Variants in NRG3 observed in about 807,000 individuals in gnomAD.
NRG3 encodes pro-neuregulin-3, membrane-bound isoform.
Under a neutral mutation model 66.9 loss-of-function variants are expected in NRG3, and 31 were observed. The observed-to-expected ratio is 0.46, with a 90% CI of 0.35 to 0.63. The LOEUF (loss-of-function observed/expected upper bound fraction) is 0.63, where lower values mean the gene tolerates loss of function less well. Ranked by LOEUF, NRG3 falls within the 20% of genes least tolerant of loss-of-function variation. NRG3 has a pLI of 0.00. For missense variants in NRG3, 910 were observed against 878.9 expected (o/e 1.04, Z -0.45); for synonymous variants, 393 against 359.4 (o/e 1.09, Z -1.06).
intron 2 of NRG3, among the ~76,000 whole-genome samples, chr10:82,735,648 A>G (rs543388535): frequency 2.4e-4 from 37 of 152,296 alleles, no homozygotes; most frequent in African/African-American, 8.4e-4. Context: ...TCAGTAAGCT[A>G]TCACAGAAAC....
rs1853418428 is a variant in NRG3 at position 82,986,144 on chromosome 10, G to A, written c.*539G>A. ...ACAAAAGACTCTGCAATGGGAAGGA[G>A]GACAGGAGATAGAAGGAGAAACCGG... is the stretch of plus-strand genomic sequence containing the variant. On this transcript the variant is annotated 3_prime_UTR_variant, in exon 9 of 9. Transcript: ENST00000372141. 6.5e-6 allele frequency: 1 copy of A among 153,006 alleles called. No homozygotes were observed. Among genetic ancestry groups the A allele is most frequent in the South Asian group, 2.1e-4 (1 of 4,856 alleles). The allele number at this position is 153,006 out of a possible 1,614,324, so 9.5% of individuals were successfully genotyped here. A position where few individuals can be genotyped will look rare whatever the true frequency, so the allele number is the denominator to read the frequency against.
chr10:82,424,610 G>A (rs551965907), intron 2 of NRG3, among the ~76,000 whole-genome samples: 4 of 151,790 alleles, frequency 2.6e-5, no homozygotes, highest in Non-Finnish European at 5.9e-5. Context: ...TTATAAAATT[G>A]TATCCTTTAA....
intron 1 of NRG3, among the ~76,000 whole-genome samples, chr10:82,306,635 C>A (rs57538291): frequency 0.12 from 16,928 of 139,428 alleles, 2,457 homozygotes; most frequent in African/African-American, 0.35. Flanking sequence ...ACCCAAGAGG[C>A]AGAGCTTTCA....
chr10:82,725,331 A>G (rs983376090), intron 2 of NRG3, among the ~76,000 whole-genome samples: 3 of 152,196 alleles, frequency 2.0e-5, no homozygotes, highest in African/African-American at 4.8e-5. Flanking sequence ...ACATTTCTTC[A>G]TTTGATCATC....
intron 1 of NRG3, among the ~76,000 whole-genome samples, chr10:81,926,279 A>G (rs1351828205): frequency 2.6e-5 from 4 of 151,886 alleles, no homozygotes; most frequent in Non-Finnish European, 5.9e-5. Context: ...AACCATAGCC[A>G]GATACTTTTT....
intron 1 of NRG3, among the ~76,000 whole-genome samples, chr10:82,150,530 C>CAAAAAAA (rs1188955647): frequency 7.5e-5 from 2 of 26,686 alleles, no homozygotes; most frequent in Non-Finnish European, 1.5e-4. Context: ...AGAGCACACA[C>CAAAAAAA]AAAAAAAAAA....
chr10:82,530,953 T>G (rs1321438451), intron 2 of NRG3, among the ~76,000 whole-genome samples: 1 of 151,868 alleles, frequency 6.6e-6, no homozygotes, highest in Non-Finnish European at 1.5e-5. Context: ...TTGAATTGCA[T>G]CTTGTTAAAA....
chr10:82,279,465 G>T, intron 1 of NRG3, among the ~76,000 whole-genome samples: 1 of 152,096 alleles, frequency 6.6e-6, no homozygotes, highest in East Asian at 1.9e-4. Flanking sequence ...TAATGTTTTG[G>T]CTTCACATAA....
chr10:82,212,174 A>G (rs968187675), intron 1 of NRG3, among the ~76,000 whole-genome samples: 1 of 152,156 alleles, frequency 6.6e-6, no homozygotes, highest in African/African-American at 2.4e-5. Context: ...CTAACCTATA[A>G]AAACAGCAAT....
chr10:82,027,566 A>G (rs1488151001), intron 1 of NRG3, among the ~76,000 whole-genome samples: 1 of 152,170 alleles, frequency 6.6e-6, no homozygotes, highest in African/African-American at 2.4e-5. Flanking sequence ...TGAGGAAACT[A>G]TTAGCTACAA....
intron 2 of NRG3, among the ~76,000 whole-genome samples, chr10:82,405,747 C>T (rs187437122): frequency 2.2e-3 from 339 of 152,298 alleles, no homozygotes; most frequent in African/African-American, 6.4e-3. Context: ...GGATTACAGG[C>T]GTGAGCCACA....
At chr10:82,783,943 C>T (rs2060229299) in intron 3 of NRG3, among the ~76,000 whole-genome samples, 2 of 152,032 alleles carry the variant, frequency 1.3e-5, no homozygotes, top group South Asian at 4.1e-4. Context: ...CATCACGCTA[C>T]CTGACTTCAA....
intron 1 of NRG3, among the ~76,000 whole-genome samples, chr10:82,052,684 T>C (rs1315720687): frequency 1.3e-5 from 2 of 152,202 alleles, no homozygotes; most frequent in South Asian, 2.1e-4. Context: ...TAATAGCGTG[T>C]AGCTTAGTTC....
At chr10:82,952,275 A>G (rs185459226) in intron 5 of NRG3, among the ~76,000 whole-genome samples, 9 of 152,156 alleles carry the variant, frequency 5.9e-5, no homozygotes, top group South Asian at 2.1e-4. Context: ...TCTAGGAAAA[A>G]TACAAAAATT....
At chr10:82,319,329 A>G (rs894939495) in intron 1 of NRG3, among the ~76,000 whole-genome samples, 1 of 152,204 alleles carries the variant, frequency 6.6e-6, no homozygotes, top group African/African-American at 2.4e-5. Context: ...CCAAGAGGCA[A>G]GCTTACATTT....
chr10:82,794,562 A>G (rs1337908495), intron 3 of NRG3, among the ~76,000 whole-genome samples: 1 of 152,108 alleles, frequency 6.6e-6, no homozygotes, highest in Admixed American at 6.6e-5. Context: ...ATGCTTTGTG[A>G]CTGAAAACAA....
chr10:82,622,719 T>C (rs542775340), intron 2 of NRG3, among the ~76,000 whole-genome samples: 4 of 152,334 alleles, frequency 2.6e-5, no homozygotes, highest in South Asian at 4.1e-4. Flanking sequence ...CAACTGACAC[T>C]ACACTCTACA....
intron 2 of NRG3, among the ~76,000 whole-genome samples, chr10:82,521,554 A>T (rs1419989113): frequency 1.3e-5 from 2 of 151,924 alleles, no homozygotes; most frequent in Non-Finnish European, 2.9e-5. Context: ...GTTAGCCAGG[A>T]TGGTCTCAAT....
In NRG3 at chr10:82,256,037, C is replaced by T. The variant is rs549730456; in HGVS notation, c.824-102702C>T. On this transcript the variant is annotated intron_variant, in intron 1 of 8. Transcript: ENST00000372141. Reference sequence around the variant, plus strand: ...CTCCTGGGTTCAAGTGATTCTTCTGCCTCAGCCTCCCAAGTAGCTGGGACT... The same window carrying T: ...CTCCTGGGTTCAAGTGATTCTTCTGTCTCAGCCTCCCAAGTAGCTGGGACT... 2.0e-5 allele frequency among the ~76,000 whole-genome samples: 3 copies of T among 152,256 alleles called. No individual in the cohort carries two copies. In the East Asian group the frequency reaches 5.8e-4, roughly 29 times the overall value.
Sources: allele counts gnomAD v4.1 joint callset (sites outside exome capture counted in the v4.1 genomes callset), GRCh38; gene constraint gnomAD v4.1.1; transcripts MANE v1.5; gene names NCBI Gene and HGNC (gene_info 2026-07-23, HGNC 2026-07-21).